Variants in SCN1A observed in about 807,000 individuals in gnomAD.
SCN1A encodes sodium channel protein type 1 subunit alpha.
Under a neutral mutation model 193.7 loss-of-function variants are expected in SCN1A, and 13 were observed. The ratio of observed to expected loss-of-function variants is 0.07; its 90% CI spans 0.04 to 0.11. SCN1A has a LOEUF of 0.11. Ranked by LOEUF, SCN1A falls within the 10% of genes least tolerant of loss-of-function variation. The pLI, the probability that SCN1A is intolerant of heterozygous loss-of-function variation, is 1.00. For missense variants in SCN1A, 1,432 were observed against 2,451.1 expected (o/e 0.58, Z 8.78); for synonymous variants, 781 against 843.6 (o/e 0.93, Z 1.29).
chr2:165,986,013 CT>C lies in SCN1A; in HGVS notation c.*5231del, dbSNP rs1430788994. On this transcript the variant is annotated 3_prime_UTR_variant, in exon 29 of 29. Coordinates refer to ENST00000674923, the MANE Select transcript of SCN1A (RefSeq NM_001165963.4). ...GTTGTCTGTCCCAATGGTTACTAGA[CT>C]TTTGGATTTCATGCACCAGTAAAAT... 1 of 152,062 alleles carries C rather than the reference CT, an allele frequency of 6.6e-6. No homozygotes were observed. The highest frequency in any genetic ancestry group is 1.5e-5 in the Non-Finnish European group (1 of 68,004). The allele number at this position is 152,062 out of a possible 1,614,324, so 9.4% of individuals were successfully genotyped here. A position where few individuals can be genotyped will look rare whatever the true frequency, so the allele number is the denominator to read the frequency against.
In SCN1A at chr2:165,985,930, G is replaced by A. The variant is rs937955813; in HGVS notation, c.*5315C>T. The stretch of plus-strand genomic sequence containing the variant: ...GTCTTTAGTGCGACAAGTTTATATA[G>A]TTCGAGTGTCTGGGCTTTGTGATAC... On this transcript the variant is annotated 3_prime_UTR_variant, in exon 29 of 29. Coordinates refer to ENST00000674923, the MANE Select transcript of SCN1A (RefSeq NM_001165963.4). The A allele has an allele frequency of 6.6e-6, 1 of 152,040 alleles. No individual in the cohort carries two copies. The highest frequency in any genetic ancestry group is 1.5e-5 in the Non-Finnish European group (1 of 67,988). 9.4% of individuals were successfully genotyped at this position (152,040 alleles called of 1,614,324 possible).
intron 2 of SCN1A, chr2:166,126,535 A>G (rs1349982180): frequency 6.6e-6 from 1 of 152,216 alleles, no homozygotes; most frequent in Non-Finnish European, 1.5e-5. Context: ...CACCAACCTC[A>G]GCATGGAATT....
chr2:165,992,148 G>A lies in SCN1A; in HGVS notation c.5127C>T (p.Thr1709=). Residue 1709 remains threonine (T), a synonymous_variant, in exon 29 of 29, where the codon ACC becomes ACT. Coordinates refer to ENST00000674923, the MANE Select transcript of SCN1A (RefSeq NM_001165963.4). This position sits in a 1 kb window ranked among gnomAD's most constrained non-coding sequence, Gnocchi z 6.5. ...ATAGGCAGATCATGCTGTTGCCAAAGGTCTCAAAGTTGAACATGTCATCGA... is the reference window on the plus strand; with the variant it reads ...ATAGGCAGATCATGCTGTTGCCAAAAGTCTCAAAGTTGAACATGTCATCGA... ...VGIDDMFNFE[T]FGNSMICLFQ... 6.2e-7 allele frequency: 1 copy of A among 1,613,846 alleles called. No homozygotes were observed. Among genetic ancestry groups the A allele is most frequent in the Non-Finnish European group, 8.5e-7 (1 of 1,179,908 alleles).
chr2:166,148,642 CA>C (rs1037087696), intron 1 of SCN1A, among the ~76,000 whole-genome samples: 5 of 152,130 alleles, frequency 3.3e-5, no homozygotes, highest in African/African-American at 1.2e-4. Context: ...AAGACAAATA[CA>C]GGCATATATA....
chr2:166,111,772 G>A (rs1180269758), intron 2 of SCN1A, among the ~76,000 whole-genome samples: 1 of 152,050 alleles, frequency 6.6e-6, no homozygotes, highest in Non-Finnish European at 1.5e-5. Flanking sequence ...ATGAACAGGA[G>A]TTTGGAAGAA....
At chr2:166,062,196 T>C (rs912544149) in intron 4 of SCN1A, among the ~76,000 whole-genome samples, 15 of 152,156 alleles carry the variant, frequency 9.9e-5, no homozygotes, top group African/African-American at 3.4e-4. Context: ...GATTGAAACA[T>C]ACATGCTTAT....
chr2:166,017,855 T>C (rs571814468), intron 19 of SCN1A, among the ~76,000 whole-genome samples: 1 of 152,156 alleles, frequency 6.6e-6, no homozygotes, highest in Non-Finnish European at 1.5e-5. Flanking sequence ...CTGCTAGGTC[T>C]GATCCCCACA....
intron 23 of SCN1A, among the ~76,000 whole-genome samples, chr2:166,003,245 TA>T (rs916606039): frequency 2.1e-4 from 32 of 151,686 alleles, no homozygotes; most frequent in African/African-American, 7.5e-4. Flanking sequence ...ATTAAATACC[TA>T]ATATAATTGT....
intron 6 of SCN1A, among the ~76,000 whole-genome samples, chr2:166,056,033 C>T (rs1322496387): frequency 1.3e-5 from 2 of 152,064 alleles, no homozygotes; most frequent in African/African-American, 4.8e-5. Context: ...CTTCACATGG[C>T]ATTTGTAACT....
chr2:166,053,425 A>G (rs1298989131), intron 7 of SCN1A, among the ~76,000 whole-genome samples: 1 of 152,048 alleles, frequency 6.6e-6, no homozygotes, highest in Non-Finnish European at 1.5e-5. Flanking sequence ...TTAGAAAAAA[A>G]TATATGAAAT....
chr2:166,098,408 G>A (rs747954533), intron 2 of SCN1A, among the ~76,000 whole-genome samples: 1 of 152,098 alleles, frequency 6.6e-6, no homozygotes, highest in Admixed American at 6.6e-5. Flanking sequence ...ATACTGAGGA[G>A]GCAAAAGATG....
rs182113317 is a variant in SCN1A at position 166,116,970 on chromosome 2, A to T, written c.-142+9954T>A. On this transcript the variant is annotated intron_variant, in intron 2 of 28. Coordinates refer to ENST00000674923, the MANE Select transcript of SCN1A (RefSeq NM_001165963.4). Reference sequence around the variant, plus strand: ...TCATTATTCATCTGTTAATATTACCACTAATCACATCAGAAACCCTGTAAG... The same window carrying T: ...TCATTATTCATCTGTTAATATTACCTCTAATCACATCAGAAACCCTGTAAG... Among the ~76,000 whole-genome samples, 623 of 152,320 alleles carry T rather than the reference A, an allele frequency of 4.1e-3. 2 individuals are homozygous for T. The highest frequency in any genetic ancestry group is 6.4e-3 in the Admixed American group (98 of 15,304).
At chr2:166,047,499 G>T in intron 11 of SCN1A, 128 bp downstream of exon 11, 1 of 1,015,360 alleles carries the variant, frequency 9.8e-7, no homozygotes, top group Non-Finnish European at 1.5e-6. Context: ...CAATAGGATA[G>T]AGGAACTCAA....
At chr2:166,098,061 A>G (rs546394069) in intron 2 of SCN1A, among the ~76,000 whole-genome samples, 2 of 152,344 alleles carry the variant, frequency 1.3e-5, no homozygotes, top group South Asian at 2.1e-4. Flanking sequence ...CAGAGACACA[A>G]TGAAAAAAGA....
At position 166,073,568 on chromosome 2, in the gene SCN1A, G is replaced by A. The variant is rs181063715; in HGVS notation, c.54C>T (p.Thr18=). The change falls in exon 4 of 29, where the codon ACC becomes ACT. Residue 18 remains threonine (T), a synonymous_variant. Transcript: ENST00000674923. ...TTTCAATAGCCGCAAGAGATTCTCT[G>A]GTGAAGAAGTTGAAGCTGTCAGGTC... ...PPGPDSFNFF[T]RESLAAIERR... 6 of 1,614,080 alleles carry A rather than the reference G, an allele frequency of 3.7e-6. No individual in the cohort carries two copies. The East Asian group carries it at 1.3e-4, about 36-fold the overall frequency.
intron 4 of SCN1A, 54 bp downstream of exon 4, chr2:166,073,304 C>G: frequency 6.2e-7 from 1 of 1,605,808 alleles, no homozygotes; most frequent in Non-Finnish European, 8.5e-7. Flanking sequence ...TACAACAGTC[C>G]AAGGAATGCA....
intron 26 of SCN1A, among the ~76,000 whole-genome samples, chr2:165,997,234 A>G (rs186519931): frequency 6.6e-6 from 1 of 151,372 alleles, no homozygotes; most frequent in African/African-American, 2.4e-5. Flanking sequence ...TAAATTATCA[A>G]CCTACTGGGG....
At chr2:166,079,697 C>T (rs545267454) in intron 2 of SCN1A, among the ~76,000 whole-genome samples, 7 of 150,946 alleles carry the variant, frequency 4.6e-5, no homozygotes, top group Admixed American at 1.3e-4. Context: ...GAAAATCTCC[C>T]TGGTCACTAG....
At chr2:166,017,387 A>G (rs754676440) in intron 19 of SCN1A, among the ~76,000 whole-genome samples, 6 of 152,056 alleles carry the variant, frequency 3.9e-5, no homozygotes, top group Admixed American at 1.3e-4. Context: ...ACAAACGAAG[A>G]GAATCACCTA....
Sources: allele counts gnomAD v4.1 joint callset (sites outside exome capture counted in the v4.1 genomes callset), GRCh38; gene constraint gnomAD v4.1.1; non-coding constraint Gnocchi (gnomAD v3.1); transcripts MANE v1.5; gene names NCBI Gene and HGNC (gene_info 2026-07-23, HGNC 2026-07-21).